PLA2G6: variants seen among roughly 807,000 people sequenced by gnomAD.
PLA2G6 encodes 85/88 kDa calcium-independent phospholipase A2.
PLA2G6 carries 62 observed loss-of-function variants against 83.8 expected under a neutral mutation model. The ratio of observed to expected loss-of-function variants is 0.74; its 90% CI spans 0.60 to 0.91. PLA2G6 has a LOEUF of 0.91. Ranked by LOEUF, PLA2G6 falls within the 40% of genes least tolerant of loss-of-function variation. The pLI is 0.00. For synonymous variants in PLA2G6, 417 were observed against 449.8 expected, an observed-to-expected ratio of 0.93 and a Z score of 0.92; for missense variants, 944 against 1,102.0, an observed-to-expected ratio of 0.86 and a Z score of 2.03.
intron 9 of PLA2G6, chr22:38,126,904 C>G (rs2087895510): frequency 2.9e-6 from 2 of 681,688 alleles, no homozygotes; most frequent in African/African-American, 3.7e-5. Flanking sequence ...GTCATTTAGT[C>G]AAAAGGCTGA....
Position 38,132,931 on chromosome 22 carries a change from A to G in PLA2G6, c.977T>C (p.Met326Thr), listed in dbSNP as rs1364503444. The change falls in exon 7 of 17, where the codon ATG (methionine) becomes ACG (threonine). Residue 326 changes from methionine to threonine, a missense_variant. Met to Thr is a moderately conservative substitution (Grantham distance 81). Transcript: ENST00000332509. The surrounding 1 kb of genome is among the most constrained non-coding windows in gnomAD (Gnocchi z 5.0). ...TATGGCACAGTCGAAGCGGTTGCGCATCACCGCCACGTGCAGGGCCGTGTT... is the reference window on the plus strand; with the variant it reads ...TATGGCACAGTCGAAGCGGTTGCGCGTCACCGCCACGTGCAGGGCCGTGTT... ...AGNTALHVAV[M>T]RNRFDCAIVL... The G allele has an allele frequency of 1.0e-5, 16 of 1,560,440 alleles. No individual in the cohort carries two copies. Among genetic ancestry groups the G allele is most frequent in the Non-Finnish European group, 1.4e-5 (16 of 1,152,764 alleles).
rs1451421107 is a variant in PLA2G6 at position 38,111,548 on chromosome 22, T to G, written c.*613A>C. The stretch of plus-strand genomic sequence containing the variant: ...GTTTTGGCTCTTAAGCCACTTCCAT[T>G]GGGAAGAAGAAACTCCCAGGAGTGA... On this transcript the variant is annotated 3_prime_UTR_variant, in exon 17 of 17. Transcript: ENST00000332509. The G allele has an allele frequency of 2.4e-5, 4 of 163,606 alleles. No individual in the cohort carries two copies. The highest frequency in any genetic ancestry group is 5.7e-5 in the Admixed American group (1 of 17,694). 10.1% of individuals were successfully genotyped at this position (163,606 alleles called of 1,614,324 possible).
chr22:38,115,760 C>A, intron 13 of PLA2G6, 79 bp from the exon 14 acceptor site: 9 of 1,518,734 alleles, frequency 5.9e-6, no homozygotes, highest in Non-Finnish European at 7.9e-6. Context: ...TCAGGGTGTG[C>A]GTGTTGGGGG....
At chr22:38,114,895 C>T (rs979321051) in intron 14 of PLA2G6, among the ~76,000 whole-genome samples, 5 of 152,222 alleles carry the variant, frequency 3.3e-5, no homozygotes, top group African/African-American at 4.8e-5. Flanking sequence ...CCCCCAGAGG[C>T]GCCCTGGCTC....
At chr22:38,181,504 T>C (rs1252113388) in intron 1 of PLA2G6, among the ~76,000 whole-genome samples, 160 bp downstream of exon 1, 4 of 150,948 alleles carry the variant, frequency 2.6e-5, no homozygotes, top group African/African-American at 9.8e-5. Flanking sequence ...GAGACTGGGG[T>C]TCAGGGGAGA....
intron 1 of PLA2G6, among the ~76,000 whole-genome samples, chr22:38,170,115 T>G (rs993010840): frequency 6.6e-6 from 1 of 151,250 alleles, no homozygotes; most frequent in African/African-American, 2.4e-5. Context: ...GGAGAATCAC[T>G]TGAACCCGGG....
chr22:38,128,510 A>T lies in PLA2G6; in HGVS notation c.1187-80T>A. 4.7e-6 allele frequency: 7 copies of T among 1,476,766 alleles called. No individual in the cohort carries two copies. The highest frequency in any genetic ancestry group is 6.5e-6 in the Non-Finnish European group (7 of 1,071,062). 91.5% of individuals were successfully genotyped at this position (1,476,766 alleles called of 1,614,324 possible). A position where few individuals can be genotyped will look rare whatever the true frequency, so the allele number is the denominator to read the frequency against. ...TGCAAAGGAGAGGCCCCTCCTTTCC[A>T]CACTCCGTCCCCTGTCCCAGCTCCC... On this transcript the variant is annotated intron_variant, in intron 8 of 16. Transcript: ENST00000332509. This position sits in a 1 kb window ranked among gnomAD's most constrained non-coding sequence, Gnocchi z 4.4.
rs761963849 is a variant in PLA2G6 at position 38,116,193 on chromosome 22, T to C, written c.1761A>G (p.Thr587=). Residue 587 remains threonine, a synonymous_variant, in exon 13 of 17, where the codon ACA becomes ACG. Transcript: ENST00000332509. ...VRKPKVMLTG[T]LSDRQPAELH... is the part of the protein sequence containing the mutation. The stretch of plus-strand genomic sequence containing the variant: ...GTTCAGCCGGCTGCCGGTCAGACAG[T>C]GTCCCTGTCAGCATCACCCTGGAGA... 2 of 1,614,024 alleles carry C rather than the reference T, an allele frequency of 1.2e-6. No homozygotes were observed. Among genetic ancestry groups the C allele is most frequent in the South Asian group, 2.2e-5 (2 of 91,078 alleles).
At chr22:38,151,638 G>T (rs144866187) in intron 2 of PLA2G6, among the ~76,000 whole-genome samples, 2 of 152,168 alleles carry the variant, frequency 1.3e-5, no homozygotes, top group Admixed American at 1.3e-4. Flanking sequence ...TATGTGGGGG[G>T]ATCTAAATAA....
In PLA2G6 at chr22:38,112,172, G is replaced by A. The variant is rs868205860; in HGVS notation, c.2410C>T (p.Leu804Phe). The change falls in exon 17 of 17, where the codon CTC becomes TTC. Residue 804 changes from leucine (L) to phenylalanine (F), a missense_variant. Leu to Phe is a conservative substitution (Grantham distance 22). Coordinates refer to ENST00000332509, the MANE Select transcript of PLA2G6 (RefSeq NM_003560.4). Reference protein sequence around the residue: ...EEFQKLIQLLLSP With the variant: ...EEFQKLIQLLFSP The stretch of plus-strand genomic sequence containing the variant: ...GAGGCTGGGGACCCTCAGGGTGAGA[G>A]CAGCAGCTGGATGAGCTTCTGGAAC... 1.3e-6 allele frequency: 2 copies of A among 1,585,140 alleles called. No individual in the cohort carries two copies. Among genetic ancestry groups the A allele is most frequent in the Non-Finnish European group, 1.7e-6 (2 of 1,166,172 alleles).
intron 7 of PLA2G6, chr22:38,131,086 G>A (rs751319299): frequency 1.3e-5 from 2 of 152,246 alleles, no homozygotes; most frequent in East Asian, 1.9e-4. Flanking sequence ...GCCAAAAACT[G>A]TGAAGATGGG....
At chr22:38,139,245 G>C (rs905923775) in intron 5 of PLA2G6, 1 of 152,158 alleles carries the variant, frequency 6.6e-6, no homozygotes, top group Non-Finnish European at 1.5e-5. Flanking sequence ...GCTGGGCTGG[G>C]TTAGAGGAGG....
chr22:38,113,808 C>T (rs1197712616), intron 14 of PLA2G6, 154 bp from the exon 15 acceptor site: 3 of 749,726 alleles, frequency 4.0e-6, no homozygotes, highest in Admixed American at 3.9e-5. Context: ...GCATGATTTC[C>T]AGCCAGCCTC....
intron 9 of PLA2G6, chr22:38,126,703 C>T (rs796287375): frequency 2.5e-5 from 13 of 518,580 alleles, no homozygotes; most frequent in African/African-American, 2.1e-4. Context: ...CCCACCCTGC[C>T]CAGCCAGCTC....
chr22:38,162,385 A>C (rs1262193563), intron 2 of PLA2G6, among the ~76,000 whole-genome samples: 1 of 152,090 alleles, frequency 6.6e-6, no homozygotes, highest in African/African-American at 2.4e-5. Context: ...TGACAATGAC[A>C]GGCCATGGAG....
At chr22:38,145,828 C>T in intron 2 of PLA2G6, 175 bp from the exon 3 acceptor site, 1 of 649,732 alleles carries the variant, frequency 1.5e-6, no homozygotes, top group Non-Finnish European at 2.8e-6. Context: ...CACACACACA[C>T]ACACACCCCT....
In PLA2G6 at chr22:38,127,961, C is replaced by T. The variant is rs1240576192; in HGVS notation, c.1348+308G>A. Among the ~76,000 whole-genome samples, 7 of 152,316 alleles carry T rather than the reference C, an allele frequency of 4.6e-5. No homozygotes were observed. In the South Asian group the frequency reaches 8.3e-4, roughly 18 times the overall value. On this transcript the variant is annotated intron_variant, in intron 9 of 16. Coordinates refer to ENST00000332509, the MANE Select transcript of PLA2G6 (RefSeq NM_003560.4). ...AGCACTCCTCACTGCCCACCCTGAA[C>T]GCCCTGGGGACAGGAGGGCAGTAAC...
At chr22:38,154,364 T>G (rs2089692846) in intron 2 of PLA2G6, among the ~76,000 whole-genome samples, 1 of 152,202 alleles carries the variant, frequency 6.6e-6, no homozygotes, top group Non-Finnish European at 1.5e-5. Context: ...CAGAGGTGCC[T>G]GTGTCACCCC....
intron 12 of PLA2G6, among the ~76,000 whole-genome samples, chr22:38,120,296 C>T (rs548552677): frequency 2.1e-4 from 32 of 152,330 alleles, no homozygotes; most frequent in African/African-American, 6.7e-4. Context: ...CCTAGTAGTC[C>T]GATCCTGGGA....
Sources: gnomAD v4.1 joint callset for allele counts (sites outside exome capture counted in the v4.1 genomes callset) on GRCh38, gnomAD v4.1.1 for gene constraint, Gnocchi (gnomAD v3.1) non-coding constraint, MANE v1.5 for transcripts, NCBI Gene and HGNC (gene_info 2026-07-23, HGNC 2026-07-21) for gene names.